The following KHDRBS2 variants were observed in gnomAD, a reference collection of about 807,000 sequenced individuals.
KHDRBS2 encodes the protein KH RNA binding domain containing, signal transduction associated 2, also known as KH domain-containing, RNA-binding, signal transduction-associated protein 2.
In KHDRBS2, 26 loss-of-function variants were observed where a neutral mutation model predicts 44.3. That is an observed-to-expected ratio of 0.59 (90% CI 0.43 to 0.81). The LOEUF (loss-of-function observed/expected upper bound fraction) is 0.81. Among genes scored for constraint, KHDRBS2 ranks in the 40% least tolerant of loss-of-function variants. The pLI is 0.00. For synonymous variants in KHDRBS2, 194 were observed against 151.1 expected (o/e 1.28, Z -2.08); for missense variants, 476 against 433.1 (o/e 1.10, Z -0.88).
intron 1 of KHDRBS2, among the ~76,000 whole-genome samples, chr6:62,229,458 T>G (rs865832592): frequency 6.6e-6 from 1 of 152,124 alleles, no homozygotes; most frequent in Admixed American, 6.5e-5. Flanking sequence ...TCAGTCCCAG[T>G]GTTGGACATT....
chr6:61,859,443 C>T (rs1454100753), intron 6 of KHDRBS2, among the ~76,000 whole-genome samples: 1 of 151,600 alleles, frequency 6.6e-6, no homozygotes, highest in Non-Finnish European at 1.5e-5. Context: ...AAAATAATTT[C>T]CTGTAAGTGT....
At chr6:62,256,320 T>C (rs1837387246) in intron 1 of KHDRBS2, among the ~76,000 whole-genome samples, 3 of 152,072 alleles carry the variant, frequency 2.0e-5, no homozygotes, top group South Asian at 4.1e-4. Context: ...AGTTTGGCTG[T>C]GTCCCCACCC....
At chr6:62,076,170 G>T (rs2127350223) in intron 2 of KHDRBS2, among the ~76,000 whole-genome samples, 1 of 151,896 alleles carries the variant, frequency 6.6e-6, no homozygotes, top group South Asian at 2.1e-4. Flanking sequence ...GGATTAAAGA[G>T]TTTTTTCATA....
At chr6:62,176,130 C>T (rs1274529798) in intron 2 of KHDRBS2, among the ~76,000 whole-genome samples, 1 of 151,322 alleles carries the variant, frequency 6.6e-6, no homozygotes, top group African/African-American at 2.4e-5. Context: ...CACTACTATG[C>T]AAATTTTTCA....
chr6:61,610,647 AGTT>A, the KHDRBS2 span, among the ~76,000 whole-genome samples: 2 of 152,298 alleles, frequency 1.3e-5, no homozygotes, highest in South Asian at 4.2e-4. Context: ...ATGACACAGT[AGTT>A]GTCTCTCCCT....
At chr6:62,160,809 T>G (rs1284353620) in intron 2 of KHDRBS2, among the ~76,000 whole-genome samples, 1 of 152,104 alleles carries the variant, frequency 6.6e-6, no homozygotes, top group Admixed American at 6.6e-5. Flanking sequence ...TTTTAAAAAA[T>G]TTTGGGGAAA....
intron 3 of KHDRBS2, among the ~76,000 whole-genome samples, chr6:61,999,641 A>G (rs150703568): frequency 5.5e-4 from 84 of 152,244 alleles, no homozygotes; most frequent in African/African-American, 1.9e-3. Flanking sequence ...CAATTTGCAT[A>G]AATTTCACTC....
At chr6:61,853,903 C>A (rs1274775767) in intron 6 of KHDRBS2, among the ~76,000 whole-genome samples, 1 of 152,112 alleles carries the variant, frequency 6.6e-6, no homozygotes, top group African/African-American at 2.4e-5. Flanking sequence ...CGAGAGATAA[C>A]CTTTCATACT....
chr6:62,196,719 G>C (rs1420347949), intron 1 of KHDRBS2, among the ~76,000 whole-genome samples: 1 of 152,104 alleles, frequency 6.6e-6, no homozygotes, highest in African/African-American at 2.4e-5. Context: ...AGATGAGCTT[G>C]AGGGACAAAC....
chr6:61,578,707 T>C, the KHDRBS2 span, among the ~76,000 whole-genome samples: 7 of 152,276 alleles, frequency 4.6e-5, no homozygotes, highest in South Asian at 2.1e-4. Context: ...TTTTACAGAT[T>C]TGTCGGTAGT....
rs1438266627 is a variant in KHDRBS2, at chr6:62,214,682, T to C, written c.92-37370A>G. The stretch of plus-strand genomic sequence containing the variant: ...TATCTGAAAGGGAGACCTAGGAAGG[T>C]AGATTTTTCTCTGTGCTCAAAAGAG... On this transcript the variant is annotated intron_variant, in intron 1 of 8. Coordinates refer to ENST00000281156, the MANE Select transcript of KHDRBS2 (RefSeq NM_152688.4). Among the ~76,000 whole-genome samples, 3 of 151,866 alleles carry C rather than the reference T, an allele frequency of 2.0e-5. No homozygotes were observed. The East Asian group carries it at 5.8e-4, about 29-fold the overall frequency.
intron 2 of KHDRBS2, among the ~76,000 whole-genome samples, chr6:62,059,198 G>GTTGTTTTTTTTTTTTT (rs1791038809): frequency 4.0e-5 from 1 of 24,878 alleles, no homozygotes; most frequent in African/African-American, 1.1e-4. Flanking sequence ...AAGTTAGGAA[G>GTTGTTTTTTTTTTTTT]TTTTTTTTTT....
At chr6:61,719,582 G>A (rs1396457559) in intron 7 of KHDRBS2, among the ~76,000 whole-genome samples, 1 of 151,988 alleles carries the variant, frequency 6.6e-6, no homozygotes, top group African/African-American at 2.4e-5. Flanking sequence ...AGTTCCCCTG[G>A]AAACTGTAAT....
chr6:62,107,143 A>G (rs1054609216), intron 2 of KHDRBS2, among the ~76,000 whole-genome samples: 4 of 151,916 alleles, frequency 2.6e-5, no homozygotes, highest in African/African-American at 9.7e-5. Context: ...GGAAAAGAGG[A>G]AGTCAAATTG....
chr6:62,193,933 T>C (rs1217295648), intron 1 of KHDRBS2, among the ~76,000 whole-genome samples: 2 of 152,156 alleles, frequency 1.3e-5, no homozygotes, highest in Admixed American at 6.6e-5. Context: ...ATTTGTCATT[T>C]TATTACTGAG....
chr6:61,897,359 C>T (rs1803098473), intron 5 of KHDRBS2, among the ~76,000 whole-genome samples: 1 of 152,082 alleles, frequency 6.6e-6, no homozygotes, highest in African/African-American at 2.4e-5. Flanking sequence ...TTTAAAAATA[C>T]ATTGAGATAT....
At chr6:61,766,620 ACTT>A (rs1315159351) in intron 6 of KHDRBS2, among the ~76,000 whole-genome samples, 1 of 151,640 alleles carries the variant, frequency 6.6e-6, no homozygotes, top group African/African-American at 2.4e-5. Flanking sequence ...CCCTCTTAGT[ACTT>A]CTTTTGCTGT....
At chr6:62,179,184 C>T (rs1005732003) in intron 1 of KHDRBS2, among the ~76,000 whole-genome samples, 1 of 149,300 alleles carries the variant, frequency 6.7e-6, no homozygotes, top group African/African-American at 2.5e-5. Context: ...ACATTACTTA[C>T]CCAGGTAATA....
At chr6:62,135,758 G>A (rs557285453) in intron 2 of KHDRBS2, among the ~76,000 whole-genome samples, 1 of 152,158 alleles carries the variant, frequency 6.6e-6, no homozygotes, top group South Asian at 2.1e-4. Context: ...AAGAGATCCT[G>A]CCATTTACCA....
Sources: allele counts gnomAD v4.1 joint callset (sites outside exome capture counted in the v4.1 genomes callset), GRCh38; gene constraint gnomAD v4.1.1; transcripts MANE v1.5; gene names NCBI Gene and HGNC (gene_info 2026-07-23, HGNC 2026-07-21).